Variants in TBC1D5 observed in about 807,000 individuals in gnomAD.
TBC1D5 encodes TBC1 domain family, member 5.
TBC1D5 carries 75 observed loss-of-function variants against 100.3 expected under a neutral mutation model. The observed-to-expected ratio is 0.75, with a 90% CI of 0.62 to 0.91. The LOEUF (loss-of-function observed/expected upper bound fraction) is 0.91. TBC1D5 is among the 40% of genes least tolerant of loss of function. The probability of loss-of-function intolerance (pLI) is 0.00; values close to 1 mark genes in which losing one functional copy is unlikely to be tolerated. For missense variants in TBC1D5, 910 were observed against 942.4 expected (o/e 0.97, Z 0.45); for synonymous variants, 323 against 325.6 (o/e 0.99, Z 0.09).
rs922633476 is a variant in TBC1D5 at position 17,299,693 on chromosome 3, C to T, written c.1139-7692G>A. On this transcript the variant is annotated intron_variant, in intron 14 of 21. Coordinates refer to ENST00000253692, the Ensembl canonical transcript of TBC1D5. ...CTAACATGGTGAAACCCCGTCTCTA[C>T]TAAAAATACAAAAAAATTAGCTGGA... 3.3e-5 allele frequency among the ~76,000 whole-genome samples: 5 copies of T among 151,896 alleles called. No homozygotes were observed. In the East Asian group the frequency reaches 7.8e-4, roughly 24 times the overall value.
intron 2 of TBC1D5, among the ~76,000 whole-genome samples, chr3:17,599,211 C>A (rs1416325316): frequency 2.0e-5 from 3 of 152,116 alleles, no homozygotes; most frequent in African/African-American, 7.2e-5. Flanking sequence ...GAAACCACAG[C>A]CCCAAATGAA....
chr3:17,274,883 G>A (rs1300097457), intron 15 of TBC1D5, among the ~76,000 whole-genome samples: 4 of 152,168 alleles, frequency 2.6e-5, no homozygotes, highest in Non-Finnish European at 4.4e-5. Context: ...TTGGGCTGAC[G>A]ATTTAGTGAA....
intron 18 of TBC1D5, among the ~76,000 whole-genome samples, chr3:17,202,694 T>C (rs889441505): frequency 6.6e-6 from 1 of 152,222 alleles, no homozygotes; most frequent in African/African-American, 2.4e-5. Flanking sequence ...GTTCCATCCA[T>C]GGCTAAAAGG....
chr3:17,238,024 T>C (rs2076001536), intron 17 of TBC1D5, 139 bp downstream of exon 17: 2 of 1,289,326 alleles, frequency 1.6e-6, no homozygotes, highest in East Asian at 2.5e-5. Flanking sequence ...TATCTAGTAT[T>C]CCAACTTTAT....
rs187067895 is a variant in TBC1D5, at chr3:17,262,684, T to C, written c.1246-4093A>G. ...TTTTAGTAGAGATGAGGTTTCACCATGATAGCCAGGATGGTCTCAATCTCC... is the reference window on the plus strand; with the variant it reads ...TTTTAGTAGAGATGAGGTTTCACCACGATAGCCAGGATGGTCTCAATCTCC... On this transcript the variant is annotated intron_variant, in intron 15 of 21. Coordinates refer to ENST00000253692, the Ensembl canonical transcript of TBC1D5. Among the ~76,000 whole-genome samples, 1,498 of 151,996 alleles carry C rather than the reference T, an allele frequency of 9.9e-3. 15 individuals carry two copies. Among genetic ancestry groups the C allele is most frequent in the Non-Finnish European group, 0.016 (1,110 of 67,960 alleles).
chr3:17,378,403 T>TA (rs1303918047), intron 9 of TBC1D5, among the ~76,000 whole-genome samples: 1 of 151,844 alleles, frequency 6.6e-6, no homozygotes, highest in Non-Finnish European at 1.5e-5. Flanking sequence ...CAGAGTGTTT[T>TA]AAAAAAATTT....
At chr3:17,303,112 G>A (rs986041397) in intron 14 of TBC1D5, among the ~76,000 whole-genome samples, 8 of 152,052 alleles carry the variant, frequency 5.3e-5, no homozygotes, top group African/African-American at 1.9e-4. Flanking sequence ...TTTTCTTTCT[G>A]CTGCTCCCCT....
intron 13 of TBC1D5, among the ~76,000 whole-genome samples, chr3:17,357,819 T>C (rs967184827): frequency 1.3e-5 from 2 of 152,232 alleles, no homozygotes; most frequent in Admixed American, 6.5e-5. Flanking sequence ...AGATCAGATT[T>C]TGGTTGCAAT....
chr3:17,517,169 C>CT (rs1405520224), intron 2 of TBC1D5, among the ~76,000 whole-genome samples: 1 of 152,228 alleles, frequency 6.6e-6, no homozygotes. Flanking sequence ...AAACAGTCAT[C>CT]TTTAACTTTG....
chr3:17,322,267 AAATTGTT>A (rs1323217469), intron 13 of TBC1D5, among the ~76,000 whole-genome samples: 2 of 152,234 alleles, frequency 1.3e-5, no homozygotes, highest in Non-Finnish European at 2.9e-5. Flanking sequence ...ATGCCTCTGC[AAATTGTT>A]TTGTTTTCAA....
At chr3:17,442,455 G>A (rs1333762749) in intron 3 of TBC1D5, among the ~76,000 whole-genome samples, 1 of 152,196 alleles carries the variant, frequency 6.6e-6, no homozygotes, top group Non-Finnish European at 1.5e-5. Flanking sequence ...TGCCAAAAAA[G>A]TGCATCCATT....
chr3:17,305,117 T>C (rs574684001), intron 14 of TBC1D5, among the ~76,000 whole-genome samples: 1 of 152,282 alleles, frequency 6.6e-6, no homozygotes, highest in East Asian at 1.9e-4. Flanking sequence ...GGCAAAGGTA[T>C]CCAATGACTG....
chr3:17,263,904 T>C (rs2078596871), intron 15 of TBC1D5, among the ~76,000 whole-genome samples: 1 of 152,186 alleles, frequency 6.6e-6, no homozygotes, highest in Non-Finnish European at 1.5e-5. Flanking sequence ...CTGAAATCGA[T>C]CTAAGTTATA....
chr3:17,603,735 G>A (rs1487881689), intron 2 of TBC1D5, among the ~76,000 whole-genome samples: 3 of 151,880 alleles, frequency 2.0e-5, no homozygotes, highest in Non-Finnish European at 4.4e-5. Context: ...GCGCAATCTC[G>A]GGTCACTACA....
Position 17,404,719 on chromosome 3 carries a change from T to C in TBC1D5, c.416A>G (p.Asn139Ser), listed in dbSNP as rs766696333. Residue 139 changes from asparagine (N) to serine (S), a missense_variant, in exon 7 of 22, where the codon AAT becomes AGT. By Grantham distance (46) the Asn-to-Ser change is conservative. Transcript: ENST00000253692. ...CCCTTCATCCTGTGAAAGAGGATTATTGATCATCAAATCTTGTTGGCCAAC... is the reference window on the plus strand; with the variant it reads ...CCCTTCATCCTGTGAAAGAGGATTACTGATCATCAAATCTTGTTGGCCAAC... 28 of 1,607,272 alleles carry C rather than the reference T, an allele frequency of 1.7e-5. No individual in the cohort carries two copies. The Admixed American group carries it at 2.7e-4, about 16-fold the overall frequency.
chr3:17,234,244 A>G (rs2075680075), intron 17 of TBC1D5, among the ~76,000 whole-genome samples: 2 of 152,286 alleles, frequency 1.3e-5, no homozygotes, highest in South Asian at 4.1e-4. Flanking sequence ...AGTAATGAAA[A>G]GATTTAAGTT....
At chr3:17,195,265 C>T (rs1271729860) in intron 18 of TBC1D5, among the ~76,000 whole-genome samples, 2 of 152,166 alleles carry the variant, frequency 1.3e-5, no homozygotes, top group Non-Finnish European at 2.9e-5. Flanking sequence ...CCTGACCAAT[C>T]ATTTGGAAAC....
At chr3:17,533,429 T>C (rs2096252849) in intron 2 of TBC1D5, among the ~76,000 whole-genome samples, 1 of 152,054 alleles carries the variant, frequency 6.6e-6, no homozygotes, top group Admixed American at 6.6e-5. Flanking sequence ...AATCCTAATA[T>C]GGGGGGATGG....
chr3:17,166,937 AAAG>A lies in TBC1D5; in HGVS notation c.1933-12_1933-10del, dbSNP rs755126738. 28 of 1,585,992 alleles carry A rather than the reference AAAG, an allele frequency of 1.8e-5. No individual in the cohort carries two copies. The highest frequency in any genetic ancestry group is 2.3e-5 in the Non-Finnish European group (27 of 1,167,756). ...TTTAGAATGTCTTTGATCTATTTTC[AAAG>A]AAGAAGAAAATAAATGAAAAAAATG... On this transcript the variant is annotated splice_polypyrimidine_tract_variant and intron_variant, in intron 20 of 21. Transcript: ENST00000253692.
Sources: allele counts gnomAD v4.1 joint callset (sites outside exome capture counted in the v4.1 genomes callset), GRCh38; gene constraint gnomAD v4.1.1; transcripts MANE v1.5; gene names NCBI Gene and HGNC (gene_info 2026-07-23, HGNC 2026-07-21).